SGCZ: variants seen among roughly 807,000 people sequenced by gnomAD.
SGCZ encodes sarcoglycan zeta.
Under a neutral mutation model 41.3 loss-of-function variants are expected in SGCZ, and 40 were observed. The observed-to-expected ratio is 0.97, with a 90% CI of 0.75 to 1.26. SGCZ has a LOEUF of 1.26. Among genes scored for constraint, SGCZ ranks in the 50% most tolerant of loss-of-function variants. The pLI, the probability that SGCZ is intolerant of heterozygous loss-of-function variation, is 0.00. For synonymous variants in SGCZ, 206 were observed against 137.5 expected (o/e 1.50, Z -3.49); for missense variants, 552 against 369.8 (o/e 1.49, Z -4.04).
At chr8:14,366,045 C>A (rs1803694186) in intron 2 of SGCZ, among the ~76,000 whole-genome samples, 1 of 152,066 alleles carries the variant, frequency 6.6e-6, no homozygotes, top group Non-Finnish European at 1.5e-5. Flanking sequence ...TACTTTCATG[C>A]ATCTTGAGTT....
intron 1 of SGCZ, among the ~76,000 whole-genome samples, chr8:14,788,823 G>A (rs190228589): frequency 2.6e-5 from 4 of 152,144 alleles, no homozygotes; most frequent in Middle Eastern, 3.4e-3. Flanking sequence ...ATAAAGACTT[G>A]TTTTAGACCA....
At chr8:14,336,070 C>T (rs1248601938) in intron 2 of SGCZ, among the ~76,000 whole-genome samples, 1 of 152,066 alleles carries the variant, frequency 6.6e-6, no homozygotes, top group Non-Finnish European at 1.5e-5. Flanking sequence ...CTCCTCCCAC[C>T]TTCCATCCTC....
chr8:14,258,457 G>C (rs1362513768), intron 3 of SGCZ, among the ~76,000 whole-genome samples: 1 of 152,060 alleles, frequency 6.6e-6, no homozygotes, highest in Non-Finnish European at 1.5e-5. Context: ...CACAACTCTG[G>C]ACTAACTGTA....
Position 14,819,532 on chromosome 8 carries a change from A to T in SGCZ, c.40-264606T>A, listed in dbSNP as rs769525864. On this transcript the variant is annotated intron_variant, in intron 1 of 7. Coordinates refer to ENST00000382080, the MANE Select transcript of SGCZ (RefSeq NM_139167.4). ...GAGAAGGATAATTATCACAAAACAC[A>T]TGAAAGTATGAAACTCTCCAACAAA... is the stretch of plus-strand genomic sequence containing the variant. Among the ~76,000 whole-genome samples, 89 of 152,274 alleles carry T rather than the reference A, an allele frequency of 5.8e-4. 1 individual carries two copies. Among genetic ancestry groups the T allele is most frequent in the Non-Finnish European group, 1.0e-3 (70 of 68,004 alleles).
At chr8:14,873,127 A>T (rs1331992966) in intron 1 of SGCZ, among the ~76,000 whole-genome samples, 3 of 152,136 alleles carry the variant, frequency 2.0e-5, no homozygotes, top group Admixed American at 1.3e-4. Flanking sequence ...AGTGAAGTGT[A>T]TAAAAGTGAG....
At chr8:14,682,584 A>G (rs904174843) in intron 1 of SGCZ, among the ~76,000 whole-genome samples, 6 of 151,748 alleles carry the variant, frequency 4.0e-5, no homozygotes, top group East Asian at 2.0e-4. Context: ...ACAGGCGCCC[A>G]CCACCACGCC....
At chr8:14,941,127 C>A (rs906291704) in intron 1 of SGCZ, among the ~76,000 whole-genome samples, 1 of 151,986 alleles carries the variant, frequency 6.6e-6, no homozygotes, top group Admixed American at 6.6e-5. Context: ...TGAGAATGCT[C>A]AGAATCAGGC....
chr8:14,221,075 G>C (rs1806176679), intron 4 of SGCZ, among the ~76,000 whole-genome samples: 1 of 151,980 alleles, frequency 6.6e-6, no homozygotes, highest in Non-Finnish European at 1.5e-5. Context: ...ACAGAGGCTA[G>C]GAGCCTTGAC....
intron 1 of SGCZ, among the ~76,000 whole-genome samples, chr8:14,905,446 G>C (rs1424804405): frequency 1.3e-5 from 2 of 151,994 alleles, no homozygotes; most frequent in African/African-American, 2.4e-5. Context: ...CCGAGAGAGA[G>C]AGACTAAGGA....
chr8:14,989,174 G>T (rs1043335021), intron 1 of SGCZ, among the ~76,000 whole-genome samples: 9 of 152,002 alleles, frequency 5.9e-5, no homozygotes, highest in African/African-American at 2.2e-4. Context: ...ACTTTTGAGT[G>T]GTAACTTGAA....
chr8:15,200,375 G>A (rs928495507), intron 1 of SGCZ, among the ~76,000 whole-genome samples: 1 of 152,072 alleles, frequency 6.6e-6, no homozygotes, highest in East Asian at 1.9e-4. Context: ...CATGTTCCAG[G>A]CCATCACTGG....
chr8:14,583,447 T>G (rs1018060261), intron 1 of SGCZ, among the ~76,000 whole-genome samples: 1 of 152,016 alleles, frequency 6.6e-6, no homozygotes, highest in Non-Finnish European at 1.5e-5. Context: ...TTCTCCCATT[T>G]TGTAGGTTGC....
intron 2 of SGCZ, among the ~76,000 whole-genome samples, chr8:14,333,646 T>A (rs1802412357): frequency 6.6e-6 from 1 of 152,150 alleles, no homozygotes; most frequent in Non-Finnish European, 1.5e-5. Context: ...AAACACACTG[T>A]GTCTAATACA....
chr8:14,360,199 A>C (rs1803458147), intron 2 of SGCZ, among the ~76,000 whole-genome samples: 1 of 152,134 alleles, frequency 6.6e-6, no homozygotes, highest in Non-Finnish European at 1.5e-5. Flanking sequence ...TAAAATCTGG[A>C]AAAAGACAAG....
chr8:14,803,020 T>C (rs1801376463), intron 1 of SGCZ, among the ~76,000 whole-genome samples: 1 of 152,180 alleles, frequency 6.6e-6, no homozygotes, highest in Non-Finnish European at 1.5e-5. Context: ...CCTTGGAACG[T>C]ATTTTTTCTT....
At chr8:15,093,638 T>G (rs918445542) in intron 1 of SGCZ, among the ~76,000 whole-genome samples, 2 of 152,198 alleles carry the variant, frequency 1.3e-5, no homozygotes, top group Admixed American at 1.3e-4. Context: ...TACCTCTTCA[T>G]CAGGGAATGG....
At chr8:14,382,356 A>C (rs1288827562) in intron 2 of SGCZ, among the ~76,000 whole-genome samples, 1 of 152,120 alleles carries the variant, frequency 6.6e-6, no homozygotes, top group East Asian at 1.9e-4. Flanking sequence ...GAATGAACTC[A>C]GACTCAAAAC....
At chr8:14,199,346 G>T (rs1255222304) in intron 4 of SGCZ, among the ~76,000 whole-genome samples, 2 of 152,124 alleles carry the variant, frequency 1.3e-5, no homozygotes, top group African/African-American at 4.8e-5. Context: ...GGTCAGACTG[G>T]TTGTCTGCTC....
At chr8:14,988,172 T>C (rs566449168) in intron 1 of SGCZ, among the ~76,000 whole-genome samples, 2 of 152,022 alleles carry the variant, frequency 1.3e-5, no homozygotes, top group African/African-American at 4.8e-5. Flanking sequence ...AAATACAGTA[T>C]CTGTGATATC....
Sources: allele counts gnomAD v4.1 joint callset (sites outside exome capture counted in the v4.1 genomes callset), GRCh38; gene constraint gnomAD v4.1.1; transcripts MANE v1.5; gene names NCBI Gene and HGNC (gene_info 2026-07-23, HGNC 2026-07-21).